Variants in SGMS1 observed in about 807,000 individuals in gnomAD.
SGMS1 encodes sphingomyelin synthase 1.
Under a neutral mutation model 46.2 loss-of-function variants are expected in SGMS1, and 13 were observed. That is an observed-to-expected ratio of 0.28 (90% CI 0.18 to 0.45). SGMS1 has a LOEUF of 0.45. SGMS1 is among the 20% of genes least tolerant of loss of function. SGMS1 has a pLI of 1.00. For synonymous variants in SGMS1, 203 were observed against 187.8 expected (o/e 1.08, Z -0.66); for missense variants, 324 against 519.9 (o/e 0.62, Z 3.66).
intron 1 of SGMS1, among the ~76,000 whole-genome samples, chr10:50,599,504 A>T (rs751809592): frequency 2.6e-5 from 4 of 152,074 alleles, no homozygotes; most frequent in Non-Finnish European, 5.9e-5. Context: ...AAGTTTATTC[A>T]AAGACTCCAG....
At chr10:50,353,590 G>A (rs930731987) in intron 6 of SGMS1, among the ~76,000 whole-genome samples, 4 of 152,286 alleles carry the variant, frequency 2.6e-5, no homozygotes, top group Admixed American at 1.3e-4. Context: ...TCTGGCCAGG[G>A]CAATCAGGCA....
At chr10:50,500,819 T>C (rs1837655852) in intron 3 of SGMS1, among the ~76,000 whole-genome samples, 1 of 152,238 alleles carries the variant, frequency 6.6e-6, no homozygotes, top group African/African-American at 2.4e-5. Context: ...GCCTTGATAA[T>C]GGCATTAGTT....
At chr10:50,336,635 T>A (rs1301033706) in intron 7 of SGMS1, among the ~76,000 whole-genome samples, 1 of 152,138 alleles carries the variant, frequency 6.6e-6, no homozygotes, top group Non-Finnish European at 1.5e-5. Context: ...GCACGTGGCA[T>A]CTACAACACT....
chr10:50,527,128 C>A (rs557731426), intron 2 of SGMS1, among the ~76,000 whole-genome samples: 1 of 150,240 alleles, frequency 6.7e-6, no homozygotes, highest in Non-Finnish European at 1.5e-5. Flanking sequence ...ATGTATTCAA[C>A]CATGCAGCTC....
At chr10:50,340,268 T>C (rs771031661) in intron 7 of SGMS1, 5 of 152,220 alleles carry the variant, frequency 3.3e-5, no homozygotes, top group Non-Finnish European at 5.9e-5. Flanking sequence ...GTATCACACA[T>C]AGGTGCCACT....
At chr10:50,556,736 G>A (rs190365308) in intron 2 of SGMS1, among the ~76,000 whole-genome samples, 1 of 152,274 alleles carries the variant, frequency 6.6e-6, no homozygotes, top group East Asian at 1.9e-4. Flanking sequence ...AAATTTATAG[G>A]TTTTGCAGAA....
intron 6 of SGMS1, among the ~76,000 whole-genome samples, chr10:50,354,823 C>G (rs532430482): frequency 1.3e-5 from 2 of 152,218 alleles, no homozygotes; most frequent in South Asian, 4.1e-4. Flanking sequence ...TTTATGCAGC[C>G]AAAAGACACA....
intron 3 of SGMS1, chr10:50,472,926 C>T (rs990463963): frequency 6.6e-6 from 1 of 152,158 alleles, no homozygotes; most frequent in African/African-American, 2.4e-5. Context: ...CTCTATCCTG[C>T]TCCCCACACT....
chr10:50,335,311 A>C (rs983073644), intron 7 of SGMS1: 1 of 152,338 alleles, frequency 6.6e-6, no homozygotes, highest in Non-Finnish European at 1.5e-5. Flanking sequence ...AACAAAACCC[A>C]ACACATTTGG....
intron 3 of SGMS1, among the ~76,000 whole-genome samples, chr10:50,512,303 A>G (rs959548724): frequency 6.6e-6 from 1 of 152,094 alleles, no homozygotes; most frequent in African/African-American, 2.4e-5. Flanking sequence ...GTCAGAGAAA[A>G]AAAACCAGAC....
intron 2 of SGMS1, among the ~76,000 whole-genome samples, chr10:50,554,042 C>T (rs11006114): frequency 0.2 from 30,236 of 152,022 alleles, 3,943 homozygotes; most frequent in East Asian, 0.64. Flanking sequence ...ACCACCTAAC[C>T]GTCACCTACT....
chr10:50,506,458 T>C (rs2133765493), intron 3 of SGMS1, among the ~76,000 whole-genome samples: 1 of 152,204 alleles, frequency 6.6e-6, no homozygotes, highest in African/African-American at 2.4e-5. Flanking sequence ...GCCACACAGA[T>C]TTCCTTCCTA....
At chr10:50,473,241 A>T (rs1837394163) in intron 3 of SGMS1, among the ~76,000 whole-genome samples, 1 of 152,232 alleles carries the variant, frequency 6.6e-6, no homozygotes, top group Admixed American at 6.5e-5. Context: ...TAATAGTCAG[A>T]AAGTCCCACA....
At chr10:50,522,540 T>C (rs1334633192) in intron 2 of SGMS1, among the ~76,000 whole-genome samples, 3 of 152,288 alleles carry the variant, frequency 2.0e-5, no homozygotes, top group Middle Eastern at 3.4e-3. Flanking sequence ...CTTCTTTCCA[T>C]TATAAGGTAA....
intron 6 of SGMS1, among the ~76,000 whole-genome samples, chr10:50,384,270 T>C: frequency 6.6e-6 from 1 of 152,270 alleles, no homozygotes; most frequent in South Asian, 2.1e-4. Flanking sequence ...TGATCTTGAG[T>C]AAGTTATCTA....
intron 6 of SGMS1, among the ~76,000 whole-genome samples, chr10:50,430,924 G>C (rs1287565965): frequency 6.6e-6 from 1 of 151,968 alleles, no homozygotes; most frequent in Non-Finnish European, 1.5e-5. Context: ...TGAGTTTGTT[G>C]ATATGAACAT....
intron 3 of SGMS1, among the ~76,000 whole-genome samples, chr10:50,509,985 AAT>A (rs1837739702): frequency 6.6e-6 from 1 of 152,206 alleles, no homozygotes; most frequent in African/African-American, 2.4e-5. Flanking sequence ...ACAGTCATGT[AAT>A]CACCACCACA....
chr10:50,561,772 A>G (rs1432881439), intron 2 of SGMS1, among the ~76,000 whole-genome samples: 1 of 152,156 alleles, frequency 6.6e-6, no homozygotes, highest in Non-Finnish European at 1.5e-5. Context: ...ACAGAGAAAT[A>G]TTTTGCTTTT....
intron 1 of SGMS1, among the ~76,000 whole-genome samples, chr10:50,612,088 T>C (rs1838755154): frequency 6.6e-6 from 1 of 152,254 alleles, no homozygotes. Flanking sequence ...TTCTTGAGGT[T>C]TGTTCTCTAC....
Sources: allele counts gnomAD v4.1 joint callset (sites outside exome capture counted in the v4.1 genomes callset), GRCh38; gene constraint gnomAD v4.1.1; transcripts MANE v1.5; gene names NCBI Gene and HGNC (gene_info 2026-07-23, HGNC 2026-07-21).